The following SCML2 variants were observed in gnomAD, a reference collection of about 807,000 sequenced individuals.
SCML2 encodes the protein sex comb on midleg-like protein 2.
In SCML2, 6 loss-of-function variants were observed where a neutral mutation model predicts 48.4. The ratio of observed to expected loss-of-function variants is 0.12; its 90% CI spans 0.07 to 0.24. The LOEUF is 0.24. SCML2 is among the 10% of genes least tolerant of loss of function. The pLI is 1.00. For missense variants in SCML2, 377 were observed against 528.2 expected, an observed-to-expected ratio of 0.71 and a Z score of 2.81; for synonymous variants, 181 against 189.5, an observed-to-expected ratio of 0.95 and a Z score of 0.37.
chrX:18,294,632 T>A (rs1467704964), intron 7 of SCML2, among the ~76,000 whole-genome samples: 1 of 109,915 alleles, frequency 9.1e-6, no homozygotes, highest in Non-Finnish European at 1.9e-5. Flanking sequence ...CATCTCCACA[T>A]CCCTAGAGCC....
intron 7 of SCML2, among the ~76,000 whole-genome samples, chrX:18,289,714 T>G (rs926628563): frequency 1.8e-5 from 2 of 111,796 alleles, no homozygotes; most frequent in Non-Finnish European, 3.8e-5. Flanking sequence ...AGGGAGAAAG[T>G]TGGTGAATAC....
chrX:18,247,730 C>T (rs750659294), intron 12 of SCML2, 39 bp downstream of exon 12: 7 of 980,990 alleles, frequency 7.1e-6, no homozygotes, highest in East Asian at 6.1e-5. Flanking sequence ...AGCAGAGAAA[C>T]ATTTCTTCCC....
intron 7 of SCML2, among the ~76,000 whole-genome samples, chrX:18,300,455 C>T (rs1391755357): frequency 1.9e-5 from 2 of 106,800 alleles, no homozygotes; most frequent in South Asian, 4.1e-4. Flanking sequence ...ACATCATCCA[C>T]ACAAAATCTG....
At chrX:18,353,874 G>A (rs747698880) in intron 1 of SCML2, among the ~76,000 whole-genome samples, 1 of 113,271 alleles carries the variant, frequency 8.8e-6, no homozygotes, top group Admixed American at 9.2e-5. Context: ...AGCGAGAAAG[G>A]TAAGAAACCA....
chrX:18,277,017 C>A (rs1437056183), intron 7 of SCML2, among the ~76,000 whole-genome samples: 6 of 107,025 alleles, frequency 5.6e-5, no homozygotes, highest in East Asian at 5.9e-4. Flanking sequence ...AAAAAAAAAC[C>A]AAAAACAAAC....
At chrX:18,316,710 C>G (rs565795903) in intron 6 of SCML2, among the ~76,000 whole-genome samples, 1 of 112,033 alleles carries the variant, frequency 8.9e-6, no homozygotes, top group Non-Finnish European at 1.9e-5. Flanking sequence ...GGTGGCACAG[C>G]AGGAGGTGAG....
intron 7 of SCML2, among the ~76,000 whole-genome samples, chrX:18,299,986 C>G (rs946954811): frequency 1.8e-5 from 2 of 110,935 alleles, no homozygotes; most frequent in African/African-American, 6.6e-5. Context: ...GCAATCCTCC[C>G]ACCTCGGCCT....
At chrX:18,244,141 A>T (rs1248829935) in intron 13 of SCML2, among the ~76,000 whole-genome samples, 2 of 112,062 alleles carry the variant, frequency 1.8e-5, no homozygotes, top group Non-Finnish European at 3.8e-5. Flanking sequence ...CCCTCCACTC[A>T]GAGAAAAAAA....
intron 11 of SCML2, among the ~76,000 whole-genome samples, chrX:18,254,277 G>T (rs1926763175): frequency 1.8e-5 from 2 of 112,118 alleles, no homozygotes; most frequent in African/African-American, 3.2e-5. Flanking sequence ...TTTAAAAAAT[G>T]TAAGAGAAAT....
At chrX:18,342,786 T>A (rs1930059351) in intron 1 of SCML2, among the ~76,000 whole-genome samples, 1 of 111,365 alleles carries the variant, frequency 9.0e-6, no homozygotes, top group Non-Finnish European at 1.9e-5. Context: ...GTATGGACAA[T>A]CTGCAATCTT....
intron 7 of SCML2, among the ~76,000 whole-genome samples, 163 bp downstream of exon 7, chrX:18,304,809 T>C (rs1293289300): frequency 9.0e-6 from 1 of 111,642 alleles, no homozygotes; most frequent in Non-Finnish European, 1.9e-5. Flanking sequence ...AATCATAGCT[T>C]TCCTTTACCT....
intron 11 of SCML2, among the ~76,000 whole-genome samples, chrX:18,249,237 G>GA (rs981350694): frequency 1.8e-5 from 2 of 111,619 alleles, no homozygotes; most frequent in Non-Finnish European, 3.8e-5. Flanking sequence ...ATGGATCTCA[G>GA]AAAAAAACAG....
intron 7 of SCML2, among the ~76,000 whole-genome samples, chrX:18,273,969 G>C (rs1480270702): frequency 2.7e-5 from 3 of 110,852 alleles, no homozygotes; most frequent in African/African-American, 9.9e-5. Context: ...ATCCCACTGA[G>C]AGCCACCTCC....
At chrX:18,317,086 A>G (rs1929145773) in intron 6 of SCML2, among the ~76,000 whole-genome samples, 1 of 111,606 alleles carries the variant, frequency 9.0e-6, no homozygotes, top group Admixed American at 9.5e-5. Context: ...TTTCTTTATA[A>G]TTTTTAAAAT....
At chrX:18,311,395 A>C (rs1163379985) in intron 6 of SCML2, among the ~76,000 whole-genome samples, 1 of 100,655 alleles carries the variant, frequency 9.9e-6, no homozygotes, top group Non-Finnish European at 2.1e-5. Context: ...GATAAATGCT[A>C]TGCAGAGAGA....
chrX:18,317,613 A>G (rs2147535104), intron 6 of SCML2, among the ~76,000 whole-genome samples: 1 of 111,240 alleles, frequency 9.0e-6, no homozygotes, highest in East Asian at 2.8e-4. Flanking sequence ...CGGGCGGATC[A>G]CGAGGTCAGG....
In SCML2 at chrX:18,246,843, A is replaced by G. The variant is rs1012308254; in HGVS notation, c.1571-15T>C. The G allele has an allele frequency of 8.5e-7, 1 of 1,178,469 alleles. No individual in the cohort carries two copies. The highest frequency in any genetic ancestry group is 1.8e-5 in the African/African-American group (1 of 56,070). ...CAATGGTTCTCCTACAGGGAAAAAG[A>G]CAAAGGAGGCTATCTTCAATAGACT... On this transcript the variant is annotated splice_polypyrimidine_tract_variant and intron_variant, in intron 12 of 14. Coordinates refer to ENST00000251900, the MANE Select transcript of SCML2 (RefSeq NM_006089.3).
chrX:18,275,501 G>C (rs1306629077), intron 7 of SCML2, among the ~76,000 whole-genome samples: 1 of 112,345 alleles, frequency 8.9e-6, no homozygotes, highest in African/African-American at 3.2e-5. Flanking sequence ...ATCTCTATTG[G>C]CATAGACCTT....
chrX:18,260,748 C>T (rs1325288226), intron 8 of SCML2, among the ~76,000 whole-genome samples: 1 of 109,916 alleles, frequency 9.1e-6, no homozygotes, highest in African/African-American at 3.5e-5. Context: ...AGTTAGTCTT[C>T]GCTGTGTCTA....
Sources: allele counts gnomAD v4.1 joint callset (sites outside exome capture counted in the v4.1 genomes callset), GRCh38; gene constraint gnomAD v4.1.1; transcripts MANE v1.5; gene names NCBI Gene and HGNC (gene_info 2026-07-23, HGNC 2026-07-21).